Variants in PKIB observed in about 807,000 individuals in gnomAD.
PKIB encodes cAMP-dependent protein kinase inhibitor beta.
In PKIB, 2 loss-of-function variants were observed where a neutral mutation model predicts 4.5. The ratio of observed to expected loss-of-function variants is 0.44; its 90% CI spans 0.18 to 1.39. The LOEUF (loss-of-function observed/expected upper bound fraction) is 1.39. Ranked by LOEUF, PKIB falls within the 40% of genes most tolerant of loss-of-function variation. The pLI, the probability that PKIB is intolerant of heterozygous loss-of-function variation, is 0.27. For missense variants in PKIB, 94 were observed against 92.6 expected, an observed-to-expected ratio of 1.02 and a Z score of -0.06; for synonymous variants, 38 against 36.0, an observed-to-expected ratio of 1.06 and a Z score of -0.20.
At chr6:122,497,884 T>C (rs1776120790) in intron 2 of PKIB, among the ~76,000 whole-genome samples, 1 of 152,146 alleles carries the variant, frequency 6.6e-6, no homozygotes, top group Non-Finnish European at 1.5e-5. Context: ...TACAGGACAC[T>C]CTACCCATCA....
At chr6:122,529,928 A>G (rs908840436) in intron 2 of PKIB, among the ~76,000 whole-genome samples, 7 of 152,076 alleles carry the variant, frequency 4.6e-5, no homozygotes, top group Admixed American at 4.6e-4. Flanking sequence ...TGGGATTTAC[A>G]TTGGTTGGAG....
At chr6:122,590,832 G>T (rs765170568) in intron 3 of PKIB, among the ~76,000 whole-genome samples, 2 of 152,110 alleles carry the variant, frequency 1.3e-5, no homozygotes, top group Non-Finnish European at 2.9e-5. Flanking sequence ...CATGCTTAGC[G>T]TGTGGTCCAC....
chr6:122,496,336 T>C (rs1776075697), intron 2 of PKIB, among the ~76,000 whole-genome samples: 1 of 152,274 alleles, frequency 6.6e-6, no homozygotes, highest in South Asian at 2.1e-4. Context: ...AAAATATGAA[T>C]GTTGCAACAC....
intron 2 of PKIB, among the ~76,000 whole-genome samples, chr6:122,561,736 C>T (rs1425390015): frequency 1.3e-5 from 2 of 151,884 alleles, no homozygotes; most frequent in African/African-American, 4.8e-5. Flanking sequence ...AGAGCTACCC[C>T]TGCTCGCTTT....
upstream of PKIB, among the ~76,000 whole-genome samples, chr6:122,607,555 A>G (rs541300967): frequency 6.6e-6 from 1 of 152,276 alleles, no homozygotes; most frequent in South Asian, 2.1e-4. Context: ...TCAACTGAAC[A>G]GGTCATAGAC....
chr6:122,603,426 G>A (rs547018508), intron 3 of PKIB, among the ~76,000 whole-genome samples: 111 of 152,130 alleles, frequency 7.3e-4, no homozygotes, highest in African/African-American at 2.7e-3. Context: ...TTATGTATCC[G>A]TGCACAGAAG....
At chr6:122,506,748 G>T (rs1382919780) in intron 2 of PKIB, among the ~76,000 whole-genome samples, 1 of 147,864 alleles carries the variant, frequency 6.8e-6, no homozygotes, top group Non-Finnish European at 1.5e-5. Flanking sequence ...GGCCCAGGCG[G>T]GAGTGCAGTG....
At chr6:122,514,075 G>T (rs1392518390) in intron 2 of PKIB, among the ~76,000 whole-genome samples, 1 of 152,172 alleles carries the variant, frequency 6.6e-6, no homozygotes, top group Non-Finnish European at 1.5e-5. Context: ...GGGCTCCTGT[G>T]CAAGGTGAGA....
intron 3 of PKIB, among the ~76,000 whole-genome samples, chr6:122,602,612 C>T (rs1774404108): frequency 6.6e-6 from 1 of 152,038 alleles, no homozygotes; most frequent in African/African-American, 2.4e-5. Flanking sequence ...AACAAAAAAT[C>T]CTGTATCAAT....
chr6:122,585,269 C>T lies in PKIB; in HGVS notation c.-247-652C>T, dbSNP rs893239976. On this transcript the variant is annotated intron_variant, in intron 2 of 6. Transcript: ENST00000392491. ...CCTGGGCTAAGCCCCAATTTTAAGA[C>T]TTGTCTGCCCTGCACCTTTATGATC... Among the ~76,000 whole-genome samples the T allele has an allele frequency of 7.3e-4, 111 of 152,146 alleles. 2 individuals are homozygous for T. The highest frequency in any genetic ancestry group is 2.2e-3 in the African/African-American group (92 of 41,432).
chr6:122,491,523 A>G (rs1775933143), intron 2 of PKIB, among the ~76,000 whole-genome samples: 1 of 152,156 alleles, frequency 6.6e-6, no homozygotes, highest in Non-Finnish European at 1.5e-5. Flanking sequence ...CTGGCTAGCT[A>G]CCTACTGTAA....
At chr6:122,499,321 C>T (rs528751017) in intron 2 of PKIB, among the ~76,000 whole-genome samples, 3 of 152,254 alleles carry the variant, frequency 2.0e-5, no homozygotes, top group Admixed American at 2.0e-4. Context: ...TAATAAAATA[C>T]TAGTAAACCA....
intron 2 of PKIB, among the ~76,000 whole-genome samples, chr6:122,569,807 G>A (rs1773306234): frequency 6.6e-6 from 1 of 152,170 alleles, no homozygotes; most frequent in African/African-American, 2.4e-5. Context: ...GGAACACCCC[G>A]TGGAACAAAA....
chr6:122,493,923 G>C (rs1007381075), intron 2 of PKIB, among the ~76,000 whole-genome samples: 1 of 152,016 alleles, frequency 6.6e-6, no homozygotes, highest in Non-Finnish European at 1.5e-5. Context: ...CTTCTGGAAA[G>C]AAACGGGATC....
At chr6:122,545,179 C>T (rs558586986) in intron 2 of PKIB, among the ~76,000 whole-genome samples, 14 of 152,092 alleles carry the variant, frequency 9.2e-5, no homozygotes, top group African/African-American at 2.9e-4. Flanking sequence ...ACCAAAAAGA[C>T]ACATGCACAT....
At chr6:122,672,285 A>G (rs1029246831) in intron 2 of PKIB, among the ~76,000 whole-genome samples, 1 of 152,146 alleles carries the variant, frequency 6.6e-6, no homozygotes, top group Non-Finnish European at 1.5e-5. Flanking sequence ...GCTTGCATCC[A>G]TCTTGAGTGT....
intron 3 of PKIB, among the ~76,000 whole-genome samples, chr6:122,696,649 A>C (rs1778584860): frequency 6.6e-6 from 1 of 152,206 alleles, no homozygotes; most frequent in Non-Finnish European, 1.5e-5. Context: ...CATGGACCTC[A>C]TGGAGGGCAT....
intron 1 of PKIB, among the ~76,000 whole-genome samples, chr6:122,623,121 G>A (rs913282733): frequency 3.3e-5 from 5 of 152,152 alleles, no homozygotes; most frequent in Non-Finnish European, 5.9e-5. Context: ...GAATGTCAGA[G>A]TATTTGATTT....
intron 2 of PKIB, among the ~76,000 whole-genome samples, chr6:122,486,425 C>T (rs2114528046): frequency 6.6e-6 from 1 of 151,988 alleles, no homozygotes; most frequent in East Asian, 1.9e-4. Context: ...TTGATCCACC[C>T]TCGTCTTCTA....
Sources: gnomAD v4.1 joint callset for allele counts (sites outside exome capture counted in the v4.1 genomes callset) on GRCh38, gnomAD v4.1.1 for gene constraint, MANE v1.5 for transcripts, NCBI Gene and HGNC (gene_info 2026-07-23, HGNC 2026-07-21) for gene names.